CACNA1A: variants seen among roughly 807,000 people sequenced by gnomAD.
CACNA1A encodes calcium voltage-gated channel subunit alpha1 A.
In CACNA1A, 57 loss-of-function variants were observed where a neutral mutation model predicts 262.4. The ratio of observed to expected loss-of-function variants is 0.22; its 90% CI spans 0.18 to 0.27. The LOEUF (loss-of-function observed/expected upper bound fraction) is 0.27. Among genes scored for constraint, CACNA1A ranks in the 10% least tolerant of loss-of-function variants. CACNA1A has a pLI of 1.00. For synonymous variants in CACNA1A, 1,431 were observed against 1,419.3 expected (o/e 1.01, Z -0.18); for missense variants, 2,526 against 3,562.8 (o/e 0.71, Z 7.41).
intron 3 of CACNA1A, among the ~76,000 whole-genome samples, chr19:13,426,485 G>T (rs894988687): frequency 6.6e-6 from 1 of 152,120 alleles, no homozygotes; most frequent in Non-Finnish European, 1.5e-5. Flanking sequence ...CAGGGTGGTA[G>T]CTCACGGCCA....
rs779250946 is a variant in CACNA1A at position 13,303,861 on chromosome 19, G to A, written c.2010C>T (p.Asn670=). 1.7e-5 allele frequency: 28 copies of A among 1,613,102 alleles called. No homozygotes were observed. The African/African-American group carries it at 2.1e-4, about 12-fold the overall frequency. ...ACTTGATCCCGTCGTACATGACCTC[G>A]TTCCAGTCTTCGCCCGTCAGGATCT... is the stretch of plus-strand genomic sequence containing the variant. ...VFQILTGEDW[N]EVMYDGIKSQ... The change falls in exon 16 of 47, where the codon AAC becomes AAT. Residue 670 remains asparagine (N), a synonymous_variant. Transcript: ENST00000360228.
chr19:13,453,328 C>A (rs951135913), intron 2 of CACNA1A, among the ~76,000 whole-genome samples: 1 of 152,138 alleles, frequency 6.6e-6, no homozygotes, highest in African/African-American at 2.4e-5. Flanking sequence ...GTGGCTATTT[C>A]AATTAAAATT....
chr19:13,470,592 T>C (rs1032884122), intron 1 of CACNA1A, among the ~76,000 whole-genome samples: 5 of 152,238 alleles, frequency 3.3e-5, no homozygotes, highest in Non-Finnish European at 5.9e-5. Flanking sequence ...CGATGTATTT[T>C]GCCATTCTCT....
chr19:13,476,466 A>G (rs762614175), intron 1 of CACNA1A, among the ~76,000 whole-genome samples: 8 of 152,182 alleles, frequency 5.3e-5, no homozygotes, highest in Non-Finnish European at 1.0e-4. Context: ...GCATGAATGC[A>G]TTGAGCCCTC....
intron 1 of CACNA1A, among the ~76,000 whole-genome samples, chr19:13,493,059 G>A (rs575513141): frequency 3.9e-5 from 6 of 152,252 alleles, no homozygotes; most frequent in South Asian, 4.2e-4. Flanking sequence ...GGAGGCCGCC[G>A]CAGTTTTCAT....
At chr19:13,330,365 G>C (rs987703090) in intron 9 of CACNA1A, 32 bp from the exon 10 acceptor site, 11 of 1,499,364 alleles carry the variant, frequency 7.3e-6, no homozygotes, top group Non-Finnish European at 9.1e-6. Context: ...AAGAGAAAAA[G>C]ACGTTACCCT....
chr19:13,319,996 G>C (rs2058214902), intron 10 of CACNA1A, among the ~76,000 whole-genome samples: 1 of 152,096 alleles, frequency 6.6e-6, no homozygotes. Flanking sequence ...GGCTGCAGTT[G>C]GCCAGGCCCA....
At chr19:13,228,572 A>G in intron 36 of CACNA1A, 1 of 247,682 alleles carries the variant, frequency 4.0e-6, no homozygotes, top group Non-Finnish European at 7.4e-6. Flanking sequence ...TGCAAGAAAG[A>G]GAGATGGCTC....
At chr19:13,229,900 G>A (rs2055600815) in intron 36 of CACNA1A, 182 bp downstream of exon 36, 6 of 635,066 alleles carry the variant, frequency 9.4e-6, no homozygotes, top group East Asian at 8.7e-5. Context: ...GGCACCCTAC[G>A]TGTTTAATCT....
At position 13,241,541 on chromosome 19, in the gene CACNA1A, T is replaced by C; in HGVS notation, c.4950+3641A>G. ...CCAACCGGATTCTAGATGCAGATGT[T>C]GAAGATGAGGGGGAGCGGGCGGGCG... On this transcript the variant is annotated intron_variant, in intron 31 of 46. Coordinates refer to ENST00000360228, the MANE Select transcript of CACNA1A (RefSeq NM_001127222.2). This position sits in a 1 kb window ranked among gnomAD's most constrained non-coding sequence, Gnocchi z 4.0. 3 of 1,383,734 alleles carry C rather than the reference T, an allele frequency of 2.2e-6. No individual in the cohort carries two copies. Among genetic ancestry groups the C allele is most frequent in the Non-Finnish European group, 2.9e-6 (3 of 1,025,464 alleles). The allele number at this position is 1,383,734 out of a possible 1,614,324, so 85.7% of individuals were successfully genotyped here. A position where few individuals can be genotyped will look rare whatever the true frequency, so the allele number is the denominator to read the frequency against.
intron 3 of CACNA1A, among the ~76,000 whole-genome samples, chr19:13,418,699 G>A (rs1456804478): frequency 1.3e-5 from 2 of 152,010 alleles, no homozygotes; most frequent in Non-Finnish European, 2.9e-5. Context: ...GTGACACCTC[G>A]ATTTCAGACC....
At chr19:13,227,752 A>G in intron 36 of CACNA1A, 1 of 305,964 alleles carries the variant, frequency 3.3e-6, no homozygotes, top group Non-Finnish European at 6.1e-6. Flanking sequence ...GTCAGTAAAA[A>G]AAGATTACTT....
At position 13,308,984 on chromosome 19, in the gene CACNA1A, G is replaced by T. The variant is rs1479671758; in HGVS notation, c.1669-456C>A. 6.6e-6 allele frequency among the ~76,000 whole-genome samples: 1 copy of T among 151,582 alleles called. No individual in the cohort carries two copies. Among genetic ancestry groups the T allele is most frequent in the Non-Finnish European group, 1.5e-5 (1 of 67,924 alleles). The stretch of plus-strand genomic sequence containing the variant: ...CCAAAGCATTGAGCCACTGCACCCG[G>T]CCTCTTATTTATTTATTTATTTTTA... On this transcript the variant is annotated intron_variant, in intron 12 of 46. Transcript: ENST00000360228. This position sits in a 1 kb window ranked among gnomAD's most constrained non-coding sequence, Gnocchi z 4.2.
intron 4 of CACNA1A, 90 bp from the exon 5 acceptor site, chr19:13,365,559 G>C: frequency 8.2e-7 from 1 of 1,212,184 alleles, no homozygotes; most frequent in Non-Finnish European, 1.2e-6. Flanking sequence ...CCCAGACAAA[G>C]CAGGTGTGTT....
At position 13,209,356 on chromosome 19, in the gene CACNA1A, C is replaced by A; in HGVS notation, c.6482G>T (p.Arg2161Leu). The change falls in exon 45 of 47, where the codon CGC (arginine) becomes CTC (leucine). Residue 2161 changes from arginine to leucine, a missense_variant. Transcript: ENST00000360228. The stretch of plus-strand genomic sequence containing the variant: ...GCGGCCCAGGGAGCGCTCAGAGGCG[C>A]GGTGGCTGCGGTCGCGGCGCCGCTG... The part of the protein sequence containing the change: ...HHQRRRDRSH[R>L]ASERSLGRYT... The A allele has an allele frequency of 7.2e-7, 1 of 1,385,372 alleles. No homozygotes were observed. Among genetic ancestry groups the A allele is most frequent in the Non-Finnish European group, 9.4e-7 (1 of 1,064,920 alleles). The allele number at this position is 1,385,372 out of a possible 1,614,324, so 85.8% of individuals were successfully genotyped here.
chr19:13,302,191 ACATCT>A (rs2057801557), intron 17 of CACNA1A, among the ~76,000 whole-genome samples: 1 of 152,118 alleles, frequency 6.6e-6, no homozygotes, highest in African/African-American at 2.4e-5. Flanking sequence ...TGTGCGACAC[ACATCT>A]CATCTAAAAT....
At chr19:13,287,299 C>T (rs894045357) in intron 19 of CACNA1A, among the ~76,000 whole-genome samples, 26 of 151,932 alleles carry the variant, frequency 1.7e-4, no homozygotes, top group African/African-American at 5.8e-4. Context: ...TGCAGTGAGC[C>T]GTGATCGCCC....
At chr19:13,503,341 T>C (rs1982613961) in intron 1 of CACNA1A, among the ~76,000 whole-genome samples, 2 of 152,142 alleles carry the variant, frequency 1.3e-5, no homozygotes. Flanking sequence ...ACCTGGGTGC[T>C]GGATACGTGG....
At chr19:13,481,714 C>A (rs1979339615) in intron 1 of CACNA1A, among the ~76,000 whole-genome samples, 1 of 152,056 alleles carries the variant, frequency 6.6e-6, no homozygotes, top group Non-Finnish European at 1.5e-5. Flanking sequence ...AGATAGGCTA[C>A]AAAGAGGTAG....
Sources: gnomAD v4.1 joint callset for allele counts (sites outside exome capture counted in the v4.1 genomes callset) on GRCh38, gnomAD v4.1.1 for gene constraint, Gnocchi (gnomAD v3.1) non-coding constraint, MANE v1.5 for transcripts, NCBI Gene and HGNC (gene_info 2026-07-23, HGNC 2026-07-21) for gene names.